The following THEMIS variants were observed in gnomAD, a reference collection of about 807,000 sequenced individuals.
THEMIS encodes protein THEMIS.
THEMIS carries 37 observed loss-of-function variants against 52.6 expected under a neutral mutation model. The observed-to-expected ratio is 0.70, with a 90% CI of 0.54 to 0.93. The LOEUF (loss-of-function observed/expected upper bound fraction) is 0.93. THEMIS is among the 40% of genes least tolerant of loss of function. The probability of loss-of-function intolerance (pLI) is 0.00; values close to 1 mark genes in which losing one functional copy is unlikely to be tolerated. For synonymous variants in THEMIS, 292 were observed against 272.7 expected, an observed-to-expected ratio of 1.07 and a Z score of -0.70; for missense variants, 808 against 763.1, an observed-to-expected ratio of 1.06 and a Z score of -0.69.
At chr6:127,717,648 T>C (rs1051965807) in intron 5 of THEMIS, among the ~76,000 whole-genome samples, 3 of 151,856 alleles carry the variant, frequency 2.0e-5, no homozygotes, top group African/African-American at 7.2e-5. Context: ...TGTTCAGTCA[T>C]TCACAGCAAA....
chr6:127,860,507 G>A (rs1779759954), intron 1 of THEMIS, among the ~76,000 whole-genome samples: 1 of 152,032 alleles, frequency 6.6e-6, no homozygotes. Context: ...AAGAATATAG[G>A]ATTTTTCTCG....
chr6:127,703,552 G>A, downstream of THEMIS, among the ~76,000 whole-genome samples: 1 of 152,112 alleles, frequency 6.6e-6, no homozygotes, highest in East Asian at 1.9e-4. Flanking sequence ...ACAAGAATAT[G>A]TTGAATGAGG....
At chr6:127,837,315 G>T (rs565954240) in intron 2 of THEMIS, among the ~76,000 whole-genome samples, 25 of 152,066 alleles carry the variant, frequency 1.6e-4, no homozygotes, top group Non-Finnish European at 2.8e-4. Context: ...TACCCATGCC[G>T]GGGCTCATGA....
chr6:127,779,841 T>A (rs963528795), intron 4 of THEMIS, among the ~76,000 whole-genome samples: 1 of 152,334 alleles, frequency 6.6e-6, no homozygotes, highest in South Asian at 2.1e-4. Flanking sequence ...CTGTTTTATA[T>A]AGCTTCAATT....
Position 127,785,575 on chromosome 6 carries a change from T to C in THEMIS, c.1758+27308A>G, listed in dbSNP as rs557049846. 8.7e-4 allele frequency among the ~76,000 whole-genome samples: 133 copies of C among 152,110 alleles called. 1 individual carries two copies. Among genetic ancestry groups the C allele is most frequent in the South Asian group, 5.2e-3 (25 of 4,822 alleles). The stretch of plus-strand genomic sequence containing the variant: ...CTTCTTTAGATCTTATTTGGTTTAA[T>C]CTTTACCATATAAAAGGATTATAAA... On this transcript the variant is annotated intron_variant, in intron 4 of 5. Coordinates refer to ENST00000368248, the MANE Select transcript of THEMIS (RefSeq NM_001010923.3).
intron 2 of THEMIS, 22 bp downstream of exon 2, chr6:127,855,008 A>C (rs763162706): frequency 1.7e-5 from 27 of 1,573,414 alleles, no homozygotes. Context: ...TACAAATGAT[A>C]AGTGGTTGCA....
Position 127,895,008 on chromosome 6 carries a change from G to A in THEMIS, c.91+5834C>T, listed in dbSNP as rs1780921803. ...ATATATATATTTATATGAAAAAAAT[G>A]TATATATAATACATATATTTATATG... is the stretch of plus-strand genomic sequence containing the variant. On this transcript the variant is annotated intron_variant, in intron 1 of 5. Coordinates refer to ENST00000368248, the MANE Select transcript of THEMIS (RefSeq NM_001010923.3). Among the ~76,000 whole-genome samples the A allele has an allele frequency of 2.0e-5, 3 of 148,418 alleles. No individual in the cohort carries two copies. The South Asian group carries it at 6.3e-4, about 31-fold the overall frequency.
At chr6:127,834,791 C>T (rs1778820194) in intron 2 of THEMIS, among the ~76,000 whole-genome samples, 1 of 152,022 alleles carries the variant, frequency 6.6e-6, no homozygotes, top group East Asian at 1.9e-4. Context: ...GGAGTGACTG[C>T]AAAACCTAAC....
At chr6:127,878,127 G>C (rs1040943023) in intron 1 of THEMIS, among the ~76,000 whole-genome samples, 2 of 152,184 alleles carry the variant, frequency 1.3e-5, no homozygotes, top group South Asian at 2.1e-4. Context: ...TAGTAAGGCT[G>C]CTTCATGGGT....
chr6:127,708,737 C>T lies in THEMIS; in HGVS notation c.*1248G>A, dbSNP rs1431465448. On this transcript the variant is annotated 3_prime_UTR_variant, in exon 6 of 6. Coordinates refer to ENST00000368248, the MANE Select transcript of THEMIS (RefSeq NM_001010923.3). ...CACTAGAAATCAGGATTCATTGTTA[C>T]TTAGAAAAAATGTAAGGTAAAGTAA... 6.6e-6 allele frequency: 1 copy of T among 151,924 alleles called. No homozygotes were observed. Among genetic ancestry groups the T allele is most frequent in the African/African-American group, 2.4e-5 (1 of 41,378 alleles). 9.4% of individuals were successfully genotyped at this position (151,924 alleles called of 1,614,324 possible).
At chr6:127,794,067 T>C (rs1016787963) in intron 4 of THEMIS, among the ~76,000 whole-genome samples, 10 of 152,186 alleles carry the variant, frequency 6.6e-5, no homozygotes, top group Non-Finnish European at 1.3e-4. Flanking sequence ...AAGTCAGAAT[T>C]GGAGAAGTTA....
chr6:127,819,456 G>A (rs962678274), intron 3 of THEMIS, among the ~76,000 whole-genome samples: 4 of 151,930 alleles, frequency 2.6e-5, no homozygotes, highest in African/African-American at 9.7e-5. Flanking sequence ...CATTAAGCAG[G>A]ATAAATACCA....
At chr6:127,856,234 A>C (rs1392642860) in intron 1 of THEMIS, among the ~76,000 whole-genome samples, 6 of 151,982 alleles carry the variant, frequency 3.9e-5, no homozygotes, top group African/African-American at 1.4e-4. Flanking sequence ...GATATGTAGC[A>C]TGCACCTAGA....
At chr6:127,876,783 TCAGAGTGA>T (rs1780326091) in intron 1 of THEMIS, among the ~76,000 whole-genome samples, 1 of 152,152 alleles carries the variant, frequency 6.6e-6, no homozygotes, top group Admixed American at 6.5e-5. Flanking sequence ...CTGCCTCCAC[TCAGAGTGA>T]CAATAGAGCA....
At chr6:127,777,987 G>T (rs1199413139) in intron 4 of THEMIS, among the ~76,000 whole-genome samples, 1 of 152,050 alleles carries the variant, frequency 6.6e-6, no homozygotes, top group Non-Finnish European at 1.5e-5. Context: ...TATTACAAAG[G>T]CTGGACCTTG....
upstream of THEMIS, among the ~76,000 whole-genome samples, chr6:127,903,280 C>G: frequency 6.6e-6 from 1 of 151,862 alleles, no homozygotes; most frequent in East Asian, 1.9e-4. Flanking sequence ...ATGTGAGCAG[C>G]CAAGTTAAGG....
chr6:127,890,540 G>A (rs1780773520), intron 1 of THEMIS, among the ~76,000 whole-genome samples: 1 of 152,040 alleles, frequency 6.6e-6, no homozygotes, highest in South Asian at 2.1e-4. Flanking sequence ...GGTGATCATA[G>A]TGAATAATAA....
At chr6:127,846,424 A>G (rs1165123578) in intron 2 of THEMIS, among the ~76,000 whole-genome samples, 2 of 151,968 alleles carry the variant, frequency 1.3e-5, no homozygotes, top group Non-Finnish European at 2.9e-5. Flanking sequence ...GAGAAGATTT[A>G]AATAAGCTCA....
intron 4 of THEMIS, among the ~76,000 whole-genome samples, chr6:127,803,406 T>C (rs1183238176): frequency 6.6e-6 from 1 of 152,070 alleles, no homozygotes; most frequent in Non-Finnish European, 1.5e-5. Flanking sequence ...TTCTTTTTTT[T>C]CTAAATTTTT....
Sources: allele counts gnomAD v4.1 joint callset (sites outside exome capture counted in the v4.1 genomes callset), GRCh38; gene constraint gnomAD v4.1.1; transcripts MANE v1.5; gene names NCBI Gene and HGNC (gene_info 2026-07-23, HGNC 2026-07-21).